USP34: variants seen among roughly 807,000 people sequenced by gnomAD.
USP34 encodes the protein ubiquitin specific peptidase 34.
In USP34, 70 loss-of-function variants were observed where a neutral mutation model predicts 460.3. The ratio of observed to expected loss-of-function variants is 0.15; its 90% confidence interval spans 0.13 to 0.19. The LOEUF (loss-of-function observed/expected upper bound fraction) is 0.19, where lower values mean the gene tolerates loss of function less well. Among genes scored for constraint, USP34 ranks in the 10% least tolerant of loss-of-function variants. USP34 has a pLI of 1.00. For synonymous variants in USP34, 1,647 were observed against 1,405.3 expected (o/e 1.17, Z -3.85); for missense variants, 3,985 against 4,236.2 (o/e 0.94, Z 1.65).
At chr2:61,360,881 T>C (rs1464030230) in intron 10 of USP34, among the ~76,000 whole-genome samples, 1 of 152,228 alleles carries the variant, frequency 6.6e-6, no homozygotes, top group Admixed American at 6.5e-5. Context: ...AGTCTCGAAC[T>C]TCTGAGCTCA....
chr2:61,417,230 C>T (rs1573020415), intron 2 of USP34: 2 of 1,442,582 alleles, frequency 1.4e-6, no homozygotes, highest in East Asian at 4.5e-5. Flanking sequence ...GAAACACGAA[C>T]ATACATCTGA....
chr2:61,416,769 G>C, intron 2 of USP34: 1 of 374,914 alleles, frequency 2.7e-6, no homozygotes, highest in South Asian at 5.3e-5. Flanking sequence ...ATAAAATGAT[G>C]ATAATCTGGT....
intron 1 of USP34, among the ~76,000 whole-genome samples, chr2:61,423,629 T>C (rs1694425789): frequency 6.6e-6 from 1 of 152,098 alleles, no homozygotes; most frequent in Admixed American, 6.6e-5. Flanking sequence ...CAAATTGATT[T>C]ATGAATTAAA....
chr2:61,445,516 C>G (rs1458651026), intron 1 of USP34, among the ~76,000 whole-genome samples: 1 of 125,764 alleles, frequency 8.0e-6, no homozygotes, highest in Non-Finnish European at 1.6e-5. Flanking sequence ...GCCTGGGCAA[C>G]AGATCGAGAC....
At chr2:61,340,046 T>C (rs935110825) in intron 16 of USP34, among the ~76,000 whole-genome samples, 2 of 152,204 alleles carry the variant, frequency 1.3e-5, no homozygotes, top group Non-Finnish European at 2.9e-5. Flanking sequence ...GTTTCCTTTC[T>C]ACAGTCTCTT....
At chr2:61,190,493 A>G in intron 77 of USP34, 25 bp downstream of exon 77, 1 of 1,608,306 alleles carries the variant, frequency 6.2e-7, no homozygotes, top group Non-Finnish European at 8.5e-7. Flanking sequence ...GAAATGACAC[A>G]CTGAGTTTCC....
chr2:61,326,367 C>T (rs1691089941), intron 20 of USP34, among the ~76,000 whole-genome samples: 1 of 151,964 alleles, frequency 6.6e-6, no homozygotes, highest in East Asian at 1.9e-4. Flanking sequence ...CCCAGCTAGG[C>T]GTGCGCCACC....
chr2:61,358,438 C>T (rs1273629065), intron 10 of USP34, among the ~76,000 whole-genome samples: 5 of 151,872 alleles, frequency 3.3e-5, no homozygotes, highest in Non-Finnish European at 7.4e-5. Flanking sequence ...AGATTCCTTT[C>T]ATGATAAAAA....
At chr2:61,285,916 A>G (rs1041766088) in intron 34 of USP34, among the ~76,000 whole-genome samples, 3 of 152,188 alleles carry the variant, frequency 2.0e-5, no homozygotes, top group Admixed American at 1.3e-4. Flanking sequence ...ATGAATTATT[A>G]AATTTATTCT....
At chr2:61,286,308 G>C (rs1437043200) in intron 34 of USP34, among the ~76,000 whole-genome samples, 1 of 151,830 alleles carries the variant, frequency 6.6e-6, no homozygotes, top group Non-Finnish European at 1.5e-5. Context: ...GAATTATTTT[G>C]GGAAATAAAC....
At chr2:61,351,685 T>G (rs1245997575) in intron 10 of USP34, among the ~76,000 whole-genome samples, 1 of 152,168 alleles carries the variant, frequency 6.6e-6, no homozygotes, top group Non-Finnish European at 1.5e-5. Flanking sequence ...TGCTTCTCTT[T>G]CAGGGTAAAT....
intron 1 of USP34, among the ~76,000 whole-genome samples, chr2:61,424,612 A>G (rs553452180): frequency 1.5e-4 from 23 of 152,196 alleles, no homozygotes; most frequent in Non-Finnish European, 2.9e-4. Flanking sequence ...TGTTTCGCTC[A>G]TGTCTGTAAT....
chr2:61,197,629 GCT>G (rs906419312), intron 75 of USP34, among the ~76,000 whole-genome samples: 1 of 152,110 alleles, frequency 6.6e-6, no homozygotes, highest in Non-Finnish European at 1.5e-5. Context: ...ACAGGATTTT[GCT>G]CTGTTGCCCA....
chr2:61,314,514 TAAG>T (rs1690685108), intron 25 of USP34, 68 bp downstream of exon 25: 1 of 1,320,036 alleles, frequency 7.6e-7, no homozygotes, highest in East Asian at 2.6e-5. Context: ...AGATTCACTT[TAAG>T]AATATTTCTG....
intron 41 of USP34, among the ~76,000 whole-genome samples, chr2:61,268,384 ACCAC>A (rs1285102311): frequency 3.6e-5 from 5 of 140,250 alleles, no homozygotes; most frequent in African/African-American, 1.3e-4. Context: ...CCTGGTACCT[ACCAC>A]ACAGGAATGA....
At chr2:61,419,993 T>C (rs1391114403) in intron 2 of USP34, among the ~76,000 whole-genome samples, 1 of 152,192 alleles carries the variant, frequency 6.6e-6, no homozygotes, top group African/African-American at 2.4e-5. Flanking sequence ...AAAAAGGATA[T>C]TACCATAGAG....
intron 18 of USP34, among the ~76,000 whole-genome samples, chr2:61,336,342 G>A (rs1310269658): frequency 6.6e-6 from 1 of 151,836 alleles, no homozygotes; most frequent in African/African-American, 2.4e-5. Flanking sequence ...TCCAAGGCTG[G>A]TCTCAAACTA....
At chr2:61,457,751 C>T (rs1695480154) in intron 1 of USP34, among the ~76,000 whole-genome samples, 1 of 152,102 alleles carries the variant, frequency 6.6e-6, no homozygotes, top group African/African-American at 2.4e-5. Context: ...GTCCCAGCTA[C>T]TTGGGAGGCT....
intron 1 of USP34, among the ~76,000 whole-genome samples, chr2:61,444,861 G>C (rs1038116715): frequency 1.3e-5 from 2 of 150,386 alleles, no homozygotes; most frequent in African/African-American, 4.9e-5. Flanking sequence ...CTGTACAGGG[G>C]AGCCTCTTCC....
Sources: allele counts gnomAD v4.1 joint callset (sites outside exome capture counted in the v4.1 genomes callset), GRCh38; gene constraint gnomAD v4.1.1; transcripts MANE v1.5; gene names NCBI Gene and HGNC (gene_info 2026-07-23, HGNC 2026-07-21).